Variants in RAI1 observed in about 807,000 individuals in gnomAD.
RAI1 encodes retinoic acid induced 1, also known as retinoic acid-induced protein 1.
In RAI1, 9 loss-of-function variants were observed where a neutral mutation model predicts 123.8. That is an observed-to-expected ratio of 0.07 (90% CI 0.04 to 0.13). The LOEUF is 0.13. RAI1 is among the 10% of genes least tolerant of loss of function. The pLI is 1.00. For synonymous variants in RAI1, 1,231 were observed against 1,127.3 expected (o/e 1.09, Z -1.84); for missense variants, 2,256 against 2,545.8 (o/e 0.89, Z 2.45).
At chr17:17,764,715 C>T (rs189242981) in intron 2 of RAI1, among the ~76,000 whole-genome samples, 130 of 152,232 alleles carry the variant, frequency 8.5e-4, no homozygotes, top group African/African-American at 2.8e-3. Context: ...CTGCTTACCT[C>T]GGCCTCCCAA....
chr17:17,794,128 C>T lies in RAI1; in HGVS notation c.1180C>T (p.Pro394Ser). 2 of 1,614,130 alleles carry T rather than the reference C, an allele frequency of 1.2e-6. No individual in the cohort carries two copies. The highest frequency in any genetic ancestry group is 1.7e-6 in the Non-Finnish European group (2 of 1,180,048). ...AGITDHSHFMPLLNPSPTDAT... is the reference protein window; with the variant it reads ...AGITDHSHFMSLLNPSPTDAT... ...GATCACTGACCACAGCCACTTCATG[C>T]CCCTGCTCAATCCCTCCCCAACGGA... is the stretch of plus-strand genomic sequence containing the variant. Residue 394 changes from proline (P) to serine (S), a missense_variant, in exon 3 of 6, where the codon CCC becomes TCC. Physicochemically the swap from Pro to Ser is moderately conservative, Grantham distance 74. This residue lies in a region of RAI1 where 357 missense variants were observed against 480.2 expected (regional missense o/e 0.74). Coordinates refer to ENST00000353383, the MANE Select transcript of RAI1 (RefSeq NM_030665.4).
intron 1 of RAI1, among the ~76,000 whole-genome samples, chr17:17,698,499 T>C (rs890281514): frequency 1.3e-5 from 2 of 152,114 alleles, no homozygotes; most frequent in African/African-American, 2.4e-5. Context: ...CACACCCCTT[T>C]ATATTGAATG....
chr17:17,808,424 T>TTTATTTTA (rs1567940433), intron 4 of RAI1, among the ~76,000 whole-genome samples: 1 of 75,288 alleles, frequency 1.3e-5, no homozygotes, highest in East Asian at 3.0e-4. Context: ...ATTATTTTAT[T>TTTATTTTA]TTATTTTATT....
rs895213635 is a variant in RAI1 at position 17,716,721 on chromosome 17, CAT to C, written c.-148-7306_-148-7305del. On this transcript the variant is annotated intron_variant, in intron 1 of 5. Transcript: ENST00000353383. Reference sequence around the variant, plus strand: ...TGTGTCTACGTGTGTGTCTGGCCCACATGTGTCTGGCCCACATATGCTGGCCC... The same window carrying C: ...TGTGTCTACGTGTGTGTCTGGCCCACGTGTCTGGCCCACATATGCTGGCCC... 1.6e-4 allele frequency among the ~76,000 whole-genome samples: 4 copies of C among 24,300 alleles called. No homozygotes were observed. The African/African-American group carries it at 1.9e-3, about 12-fold the overall frequency. The allele number at this position is 24,300 out of a possible 152,430, so 15.9% of individuals were successfully genotyped here. A position where few individuals can be genotyped will look rare whatever the true frequency, so the allele number is the denominator to read the frequency against.
chr17:17,795,608 T>C lies in RAI1; in HGVS notation c.2660T>C (p.Met887Thr). The change falls in exon 3 of 6, where the codon ATG (methionine) becomes ACG (threonine). Residue 887 changes from methionine (M) to threonine (T), a missense_variant. Coordinates refer to ENST00000353383, the MANE Select transcript of RAI1 (RefSeq NM_030665.4). This position sits in a 1 kb window ranked among gnomAD's most constrained non-coding sequence, Gnocchi z 5.9. ...LLGSPEQRPG[M>T]QDPLSPKAPL... ...GGCAGCCCCGAGCAGAGGCCTGGCA[T>C]GCAGGACCCGCTGTCACCCAAGGCC... 2 of 1,613,062 alleles carry C rather than the reference T, an allele frequency of 1.2e-6. No homozygotes were observed. Among genetic ancestry groups the C allele is most frequent in the Non-Finnish European group, 1.7e-6 (2 of 1,179,776 alleles).
rs761506967 is a variant in RAI1, at chr17:17,809,339, C to T, written c.5660-51C>T. ...CCTGGCTGCAGACAAAACCCCACAG[C>T]TGTGGGGCCCCCACCCTGTCCTAAC... On this transcript the variant is annotated intron_variant, in intron 4 of 5. Coordinates refer to ENST00000353383, the MANE Select transcript of RAI1 (RefSeq NM_030665.4). The surrounding 1 kb of genome is among the most constrained non-coding windows in gnomAD (Gnocchi z 4.9). 8.5e-6 allele frequency: 13 copies of T among 1,521,878 alleles called. No individual in the cohort carries two copies. The highest frequency in any genetic ancestry group is 1.4e-5 in the African/African-American group (1 of 72,820). 94.3% of individuals were successfully genotyped at this position (1,521,878 alleles called of 1,614,324 possible). A position where few individuals can be genotyped will look rare whatever the true frequency, so the allele number is the denominator to read the frequency against.
chr17:17,707,468 G>A (rs1270649519), intron 1 of RAI1, among the ~76,000 whole-genome samples: 1 of 152,178 alleles, frequency 6.6e-6, no homozygotes, highest in African/African-American at 2.4e-5. Context: ...TCAAAGGGAA[G>A]GGCATTGCAG....
At chr17:17,691,088 A>G (rs1914821352) in intron 1 of RAI1, among the ~76,000 whole-genome samples, 1 of 152,194 alleles carries the variant, frequency 6.6e-6, no homozygotes, top group Non-Finnish European at 1.5e-5. Context: ...AGAAGGGTAA[A>G]GTCATCGGGT....
At chr17:17,756,650 G>A (rs1446050617) in intron 2 of RAI1, among the ~76,000 whole-genome samples, 1 of 95,468 alleles carries the variant, frequency 1.0e-5, no homozygotes, top group Non-Finnish European at 2.7e-5. Flanking sequence ...AGAGTCTTCC[G>A]CAAATCCTTG....
chr17:17,779,898 C>T (rs1458104060), intron 2 of RAI1, among the ~76,000 whole-genome samples: 1 of 151,296 alleles, frequency 6.6e-6, no homozygotes, highest in Admixed American at 6.6e-5. Context: ...GCCTCAGCCT[C>T]CTGCATAGCT....
rs2032313480 is a variant in RAI1, at chr17:17,797,661, A to G, written c.4713A>G (p.Ala1571=). 1 of 1,613,720 alleles carries G rather than the reference A, an allele frequency of 6.2e-7. No individual in the cohort carries two copies. The highest frequency in any genetic ancestry group is 1.3e-5 in the African/African-American group (1 of 74,946). The change falls in exon 3 of 6, where the codon GCA becomes GCG. Residue 1571 remains alanine (A), a synonymous_variant. Coordinates refer to ENST00000353383, the MANE Select transcript of RAI1 (RefSeq NM_030665.4). ...RQQQVLPLDP[A]EPEIRLKYIS... ...AGCAGGTGCTGCCCCTGGATCCCGC[A>G]GAGCCTGAAATCCGCCTCAAGTACA...
In RAI1 at chr17:17,800,081, C is replaced by T. The variant is rs555493923; in HGVS notation, c.5565+1568C>T. On this transcript the variant is annotated intron_variant, in intron 3 of 5. Coordinates refer to ENST00000353383, the MANE Select transcript of RAI1 (RefSeq NM_030665.4). This position sits in a 1 kb window ranked among gnomAD's most constrained non-coding sequence, Gnocchi z 4.7. The stretch of plus-strand genomic sequence containing the variant: ...GGACTCCTGCAGGTTCCTGGTGCCG[C>T]GGGCCTTGCTTACCCAGCAGATGGT... Among the ~76,000 whole-genome samples the T allele has an allele frequency of 5.6e-4, 86 of 152,300 alleles. 2 individuals carry two copies. The highest frequency in any genetic ancestry group is 4.4e-3 in the Admixed American group (67 of 15,312).
chr17:17,784,250 C>T (rs996498072), intron 2 of RAI1, among the ~76,000 whole-genome samples: 5 of 151,994 alleles, frequency 3.3e-5, no homozygotes, highest in African/African-American at 7.3e-5. Flanking sequence ...GGCTGGCCTG[C>T]TGTGCCTCCC....
chr17:17,681,919 C>T (rs1165781319), intron 1 of RAI1, 126 bp downstream of exon 1: 1 of 226,370 alleles, frequency 4.4e-6, no homozygotes. Context: ...AGCGCGCGCG[C>T]TGGGTGGAGA....
chr17:17,745,825 G>T (rs1245900151), intron 2 of RAI1, among the ~76,000 whole-genome samples: 1 of 152,154 alleles, frequency 6.6e-6, no homozygotes, highest in Non-Finnish European at 1.5e-5. Flanking sequence ...TCCAGGCCAG[G>T]CAGGGACGGT....
At chr17:17,736,552 C>G (rs1413913516) in intron 2 of RAI1, among the ~76,000 whole-genome samples, 2 of 152,184 alleles carry the variant, frequency 1.3e-5, no homozygotes, top group Non-Finnish European at 2.9e-5. Context: ...GATGGAGAGA[C>G]CTTTCTGGAG....
chr17:17,754,179 G>C (rs1287502076), intron 2 of RAI1, among the ~76,000 whole-genome samples: 2 of 136,834 alleles, frequency 1.5e-5, no homozygotes, highest in African/African-American at 5.7e-5. Flanking sequence ...TATGCCATTC[G>C]CCTAACCCAA....
At chr17:17,762,753 A>G (rs1283033433) in intron 2 of RAI1, among the ~76,000 whole-genome samples, 1 of 152,046 alleles carries the variant, frequency 6.6e-6, no homozygotes, top group East Asian at 1.9e-4. Flanking sequence ...AGCCCCCAGG[A>G]CACAGGGCAT....
intron 2 of RAI1, among the ~76,000 whole-genome samples, chr17:17,745,405 TTGTGTG>T (rs112938506): frequency 1.4e-4 from 20 of 147,654 alleles, no homozygotes; most frequent in African/African-American, 3.7e-4. Flanking sequence ...TTGAAGGCTT[TTGTGTG>T]TGTGTGTGTG....
Sources: allele counts gnomAD v4.1 joint callset (sites outside exome capture counted in the v4.1 genomes callset), GRCh38; gene constraint gnomAD v4.1.1; regional missense constraint gnomAD v4.1.1; non-coding constraint Gnocchi (gnomAD v3.1); transcripts MANE v1.5; gene names NCBI Gene and HGNC (gene_info 2026-07-23, HGNC 2026-07-21).